Variants in PPARGC1A observed in about 807,000 individuals in gnomAD.
The protein encoded by PPARGC1A is PPARG coactivator 1 alpha.
A neutral mutation model predicts 88.7 loss-of-function variants in PPARGC1A; 25 were observed. That is an observed-to-expected ratio of 0.28 (90% CI 0.21 to 0.39). PPARGC1A has a LOEUF of 0.39. Ranked by LOEUF, PPARGC1A falls within the 10% of genes least tolerant of loss-of-function variation. The pLI, the probability that PPARGC1A is intolerant of heterozygous loss-of-function variation, is 1.00. For synonymous variants in PPARGC1A, 363 were observed against 355.6 expected, an observed-to-expected ratio of 1.02 and a Z score of -0.24; for missense variants, 880 against 968.7, an observed-to-expected ratio of 0.91 and a Z score of 1.22.
chr4:24,000,663 T>C, the PPARGC1A span, among the ~76,000 whole-genome samples: 1 of 152,206 alleles, frequency 6.6e-6, no homozygotes. Flanking sequence ...TCTTTTTTTC[T>C]TACGTGACAG....
the PPARGC1A span, among the ~76,000 whole-genome samples, chr4:24,238,752 T>TGC: frequency 9.3e-6 from 1 of 107,316 alleles, no homozygotes; most frequent in Non-Finnish European, 1.9e-5. Flanking sequence ...TATATGTGTG[T>TGC]GTGTGTGTGT....
chr4:24,205,843 A>G, the PPARGC1A span, among the ~76,000 whole-genome samples: 1 of 152,226 alleles, frequency 6.6e-6, no homozygotes, highest in African/African-American at 2.4e-5. Flanking sequence ...TAAACTATAC[A>G]TTTTCTGTAT....
At chr4:24,393,455 A>G in the PPARGC1A span, among the ~76,000 whole-genome samples, 12 of 152,378 alleles carry the variant, frequency 7.9e-5, no homozygotes, top group African/African-American at 2.6e-4. Flanking sequence ...CAAGAATAAC[A>G]TAACATACGC....
At chr4:24,279,276 C>A in the PPARGC1A span, among the ~76,000 whole-genome samples, 2 of 152,142 alleles carry the variant, frequency 1.3e-5, no homozygotes, top group African/African-American at 4.8e-5. Flanking sequence ...AAATGAGAAG[C>A]CTTGAGTTGA....
At chr4:24,330,281 A>C in the PPARGC1A span, among the ~76,000 whole-genome samples, 1 of 152,174 alleles carries the variant, frequency 6.6e-6, no homozygotes, top group Non-Finnish European at 1.5e-5. Context: ...TGCCTTTTCC[A>C]GTTTCTGTGT....
chr4:23,858,148 G>A (rs1471278831), intron 2 of PPARGC1A, among the ~76,000 whole-genome samples: 1 of 152,052 alleles, frequency 6.6e-6, no homozygotes, highest in Non-Finnish European at 1.5e-5. Context: ...ATTACTTCCA[G>A]GAGTTTGTAG....
chr4:23,819,472 A>G (rs146265892), intron 7 of PPARGC1A, among the ~76,000 whole-genome samples: 1 of 152,154 alleles, frequency 6.6e-6, no homozygotes, highest in African/African-American at 2.4e-5. Flanking sequence ...TGGAAGATGA[A>G]GATATCATTA....
the PPARGC1A span, among the ~76,000 whole-genome samples, chr4:23,914,674 T>C: frequency 6.6e-6 from 1 of 151,788 alleles, no homozygotes; most frequent in Non-Finnish European, 1.5e-5. Context: ...TTCAAAATTG[T>C]ATTTAAAAAC....
chr4:23,928,056 T>G, the PPARGC1A span, among the ~76,000 whole-genome samples: 2 of 152,112 alleles, frequency 1.3e-5, no homozygotes, highest in African/African-American at 4.8e-5. Context: ...TTTTAATATT[T>G]TTACAACTGG....
the PPARGC1A span, among the ~76,000 whole-genome samples, chr4:24,098,428 C>T: frequency 6.6e-6 from 1 of 152,136 alleles, no homozygotes; most frequent in Non-Finnish European, 1.5e-5. Flanking sequence ...ATGTGATTAA[C>T]CAGTGAACTA....
At chr4:23,957,459 G>T in the PPARGC1A span, among the ~76,000 whole-genome samples, 1 of 152,068 alleles carries the variant, frequency 6.6e-6, no homozygotes, top group Non-Finnish European at 1.5e-5. Context: ...ATAAATGAAT[G>T]GATAGGCAAT....
chr4:24,225,398 T>C, the PPARGC1A span, among the ~76,000 whole-genome samples: 4 of 151,812 alleles, frequency 2.6e-5, no homozygotes. Context: ...TGAAACCCCG[T>C]CTCTACTAAA....
At chr4:24,466,001 T>G in the PPARGC1A span, among the ~76,000 whole-genome samples, 1 of 152,202 alleles carries the variant, frequency 6.6e-6, no homozygotes, top group Non-Finnish European at 1.5e-5. Flanking sequence ...TTCATGTATC[T>G]CACAGTTATA....
the PPARGC1A span, among the ~76,000 whole-genome samples, chr4:24,466,095 G>C: frequency 6.6e-6 from 1 of 152,108 alleles, no homozygotes; most frequent in Non-Finnish European, 1.5e-5. Flanking sequence ...GTTTTAGAAG[G>C]CCCTGTCTAT....
chr4:23,806,086 G>T (rs558107791), intron 10 of PPARGC1A, among the ~76,000 whole-genome samples: 200 of 152,082 alleles, frequency 1.3e-3, no homozygotes, highest in Middle Eastern at 6.8e-3. Flanking sequence ...AAACCGAAGG[G>T]GTGTTCCACA....
At chr4:24,308,221 G>A in the PPARGC1A span, among the ~76,000 whole-genome samples, 4 of 149,468 alleles carry the variant, frequency 2.7e-5, no homozygotes, top group African/African-American at 9.8e-5. Context: ...GAACCTGGGA[G>A]GTGGAGGTTG....
At chr4:24,324,355 C>T in the PPARGC1A span, among the ~76,000 whole-genome samples, 1 of 152,176 alleles carries the variant, frequency 6.6e-6, no homozygotes, top group African/African-American at 2.4e-5. Context: ...GCACCACAAC[C>T]TCTTATCTCT....
chr4:24,002,826 C>T, the PPARGC1A span, among the ~76,000 whole-genome samples: 5 of 152,262 alleles, frequency 3.3e-5, no homozygotes, highest in South Asian at 1.0e-3. Flanking sequence ...CCACTAGTGT[C>T]CCACTTTTGT....
At chr4:24,141,779 T>C in the PPARGC1A span, among the ~76,000 whole-genome samples, 2 of 152,122 alleles carry the variant, frequency 1.3e-5, no homozygotes, top group South Asian at 4.1e-4. Flanking sequence ...AAGCTGCATC[T>C]CTCCCTTCAG....
Sources: allele counts gnomAD v4.1 joint callset (sites outside exome capture counted in the v4.1 genomes callset), GRCh38; gene constraint gnomAD v4.1.1; transcripts MANE v1.5; gene names NCBI Gene and HGNC (gene_info 2026-07-23, HGNC 2026-07-21).